PAQR8: variants seen among roughly 807,000 people sequenced by gnomAD.
The protein encoded by PAQR8 is membrane progestin receptor beta.
PAQR8 carries 17 observed loss-of-function variants against 25.2 expected under a neutral mutation model. That is an observed-to-expected ratio of 0.67 (90% CI 0.46 to 1.01). The LOEUF (loss-of-function observed/expected upper bound fraction) is 1.01. Among genes scored for constraint, PAQR8 ranks in the 50% least tolerant of loss-of-function variants. The pLI, the probability that PAQR8 is intolerant of heterozygous loss-of-function variation, is 0.00. For missense variants in PAQR8, 392 were observed against 448.4 expected (o/e 0.87, Z 1.14); for synonymous variants, 204 against 190.6 (o/e 1.07, Z -0.58).
Position 52,405,852 on chromosome 6 carries a change from A to C in PAQR8, c.*1574A>C, listed in dbSNP as rs1413013593. The C allele has an allele frequency of 6.0e-6, 1 of 167,014 alleles. No homozygotes were observed. Among genetic ancestry groups the C allele is most frequent in the Non-Finnish European group, 1.5e-5 (1 of 68,126 alleles). The allele number at this position is 167,014 out of a possible 1,614,324, so 10.3% of individuals were successfully genotyped here. The stretch of plus-strand genomic sequence containing the variant: ...GAATTTTCTGTTCTGGGTTATTGGG[A>C]TAAGAAAAAATATATATTGCTCTTC... On this transcript the variant is annotated 3_prime_UTR_variant, in exon 2 of 2. Coordinates refer to ENST00000442253, the MANE Select transcript of PAQR8 (RefSeq NM_133367.5).
intron 1 of PAQR8, among the ~76,000 whole-genome samples, chr6:52,372,751 T>G (rs865854722): frequency 1.1e-5 from 1 of 87,628 alleles, no homozygotes; most frequent in African/African-American, 4.0e-5. Context: ...TATATATATA[T>G]GGATATATAT....
chr6:52,367,664 C>T (rs575580497), intron 1 of PAQR8, among the ~76,000 whole-genome samples: 1 of 152,328 alleles, frequency 6.6e-6, no homozygotes, highest in African/African-American at 2.4e-5. Context: ...GTCCTAGGTT[C>T]TGCCAGACAG....
At chr6:52,364,919 AACT>A (rs1366671760) in intron 1 of PAQR8, among the ~76,000 whole-genome samples, 1 of 152,206 alleles carries the variant, frequency 6.6e-6, no homozygotes, top group Admixed American at 6.5e-5. Context: ...TCAAAAACTT[AACT>A]ACTTTGAAGC....
intron 1 of PAQR8, among the ~76,000 whole-genome samples, chr6:52,368,444 G>T (rs924869643): frequency 6.6e-6 from 1 of 151,898 alleles, no homozygotes; most frequent in Non-Finnish European, 1.5e-5. Flanking sequence ...TGTGAGTTGA[G>T]GGTCAAGGAC....
intron 1 of PAQR8, among the ~76,000 whole-genome samples, chr6:52,400,357 A>G (rs2113951468): frequency 6.6e-6 from 1 of 152,350 alleles, no homozygotes; most frequent in South Asian, 2.1e-4. Context: ...CAGACTTGGA[A>G]CCAAGCACTT....
intron 1 of PAQR8, among the ~76,000 whole-genome samples, chr6:52,375,534 G>T (rs1763475474): frequency 6.6e-6 from 1 of 151,818 alleles, no homozygotes; most frequent in African/African-American, 2.4e-5. Context: ...TAAGATGCAG[G>T]GTCTCACTCT....
At chr6:52,365,373 TC>T (rs1763340438) in intron 1 of PAQR8, among the ~76,000 whole-genome samples, 1 of 152,148 alleles carries the variant, frequency 6.6e-6, no homozygotes, top group Non-Finnish European at 1.5e-5. Flanking sequence ...ACAGCTTGAA[TC>T]TTGATCTAGC....
Position 52,404,016 on chromosome 6 carries a change from A to T in PAQR8, c.803A>T (p.Glu268Val). ...SAYFFSCPVP[E>V]KYFPGSCDIV... ...TATTTCTTCTCCTGCCCCGTGCCTG[A>T]GAAGTACTTCCCGGGTTCCTGTGAC... The change falls in exon 2 of 2, where the codon GAG (glutamate) becomes GTG (valine). Residue 268 changes from glutamate to valine, a missense_variant. By Grantham distance (121) the Glu-to-Val change is moderately radical. Transcript: ENST00000442253. The T allele has an allele frequency of 6.2e-7, 1 of 1,614,152 alleles. No homozygotes were observed.
At chr6:52,396,239 C>T (rs749272363) in intron 1 of PAQR8, among the ~76,000 whole-genome samples, 2 of 152,126 alleles carry the variant, frequency 1.3e-5, no homozygotes, top group Admixed American at 6.6e-5. Flanking sequence ...CTAAGCCAGT[C>T]TGGGAGTTAA....
intron 1 of PAQR8, among the ~76,000 whole-genome samples, chr6:52,369,927 G>A (rs1763397880): frequency 6.6e-6 from 1 of 152,174 alleles, no homozygotes; most frequent in Non-Finnish European, 1.5e-5. Flanking sequence ...TGCCTGCAGT[G>A]CTAAAATGTT....
At position 52,383,126 on chromosome 6, in the gene PAQR8, T is replaced by C. The variant is rs555907282; in HGVS notation, c.-52-20036T>C. Among the ~76,000 whole-genome samples, 3 of 152,252 alleles carry C rather than the reference T, an allele frequency of 2.0e-5. No homozygotes were observed. In the South Asian group the frequency reaches 6.2e-4, roughly 31 times the overall value. On this transcript the variant is annotated intron_variant, in intron 1 of 1. Coordinates refer to ENST00000442253, the MANE Select transcript of PAQR8 (RefSeq NM_133367.5). ...GGACAAACAGATAGATACACTAATA[T>C]ATTTATAGACACATATAAACACATA...
In PAQR8 at chr6:52,407,261, G is replaced by T. The variant is rs535688207; in HGVS notation, c.*2983G>T. 3.0e-5 allele frequency: 5 copies of T among 167,076 alleles called. No homozygotes were observed. In the East Asian group the frequency reaches 7.7e-4, roughly 26 times the overall value. The allele number at this position is 167,076 out of a possible 1,614,324, so 10.3% of individuals were successfully genotyped here. On this transcript the variant is annotated 3_prime_UTR_variant, in exon 2 of 2. Transcript: ENST00000442253. ...TCTCATGAATGAAATGCAGTGTAGG[G>T]AGAGGAGATGGCAGGACACAGCAAA...
chr6:52,370,487 T>C (rs1763406184), intron 1 of PAQR8, among the ~76,000 whole-genome samples: 1 of 152,162 alleles, frequency 6.6e-6, no homozygotes, highest in Non-Finnish European at 1.5e-5. Context: ...GTGTCTGCTT[T>C]TTTTTTCCAT....
chr6:52,403,200 T>C lies in PAQR8; in HGVS notation c.-14T>C. ...TCCTGAGGGCGCGGCACGGAGTGCA[T>C]GCGGGCCGCTGCCATGACGACCGCC... On this transcript the variant is annotated 5_prime_UTR_variant, in exon 2 of 2. The change abolishes an upstream ATG in the 5' untranslated region. Coordinates refer to ENST00000442253, the MANE Select transcript of PAQR8 (RefSeq NM_133367.5). The C allele has an allele frequency of 6.3e-7, 1 of 1,586,572 alleles. No homozygotes were observed. Among genetic ancestry groups the C allele is most frequent in the Non-Finnish European group, 8.6e-7 (1 of 1,162,238 alleles).
Position 52,406,712 on chromosome 6 carries a change from G to A in PAQR8, c.*2434G>A, listed in dbSNP as rs150542544. ...TAAGTACCTGGTACTACAGGCGCGT[G>A]CCACCACACCTGGCTAATTTTTGCA... On this transcript the variant is annotated 3_prime_UTR_variant, in exon 2 of 2. Transcript: ENST00000442253. 1.1e-4 allele frequency: 46 copies of A among 402,118 alleles called. 2 individuals carry two copies. In the South Asian group the frequency reaches 1.4e-3, roughly 12 times the overall value. 24.9% of individuals were successfully genotyped at this position (402,118 alleles called of 1,614,324 possible).
chr6:52,406,608 G>A lies in PAQR8; in HGVS notation c.*2330G>A, dbSNP rs1581801021. 4.9e-6 allele frequency: 2 copies of A among 411,494 alleles called. No individual in the cohort carries two copies. Among genetic ancestry groups the A allele is most frequent in the Admixed American group, 8.8e-5 (2 of 22,724 alleles). 25.5% of individuals were successfully genotyped at this position (411,494 alleles called of 1,614,324 possible). ...GACAGGGTCTTACTCTGTCGCCCAG[G>A]CTGGAGTGCAGTGATGCAATCACGG... is the stretch of plus-strand genomic sequence containing the variant. On this transcript the variant is annotated 3_prime_UTR_variant, in exon 2 of 2. Transcript: ENST00000442253.
chr6:52,378,026 A>G lies in PAQR8; in HGVS notation c.-53+15777A>G, dbSNP rs148223496. Among the ~76,000 whole-genome samples, 6 of 152,322 alleles carry G rather than the reference A, an allele frequency of 3.9e-5. No individual in the cohort carries two copies. The East Asian group carries it at 9.6e-4, about 24-fold the overall frequency. ...CTGGAGCCAGACTACCTGGGCACAG[A>G]TTCTGGCTCCACCACTTCCTGTCTG... On this transcript the variant is annotated intron_variant, in intron 1 of 1. Coordinates refer to ENST00000442253, the MANE Select transcript of PAQR8 (RefSeq NM_133367.5).
At chr6:52,389,922 G>C (rs970330652) in intron 1 of PAQR8, among the ~76,000 whole-genome samples, 7 of 152,208 alleles carry the variant, frequency 4.6e-5, no homozygotes, top group African/African-American at 1.4e-4. Flanking sequence ...AGATCTAGTT[G>C]AGAGGTTGCC....
At chr6:52,370,235 A>C (rs1347737100) in intron 1 of PAQR8, among the ~76,000 whole-genome samples, 1 of 152,130 alleles carries the variant, frequency 6.6e-6, no homozygotes, top group Admixed American at 6.6e-5. Context: ...TGTAGGTCTC[A>C]AGAATCAGTC....
Sources: allele counts gnomAD v4.1 joint callset (sites outside exome capture counted in the v4.1 genomes callset), GRCh38; gene constraint gnomAD v4.1.1; transcripts MANE v1.5; gene names NCBI Gene and HGNC (gene_info 2026-07-23, HGNC 2026-07-21).